Variants in TIMP2 observed in about 807,000 individuals in gnomAD.
TIMP2 encodes metalloproteinase inhibitor 2.
In TIMP2, 5 loss-of-function variants were observed where a neutral mutation model predicts 24.3. The ratio of observed to expected loss-of-function variants is 0.21; its 90% CI spans 0.11 to 0.43. The LOEUF (loss-of-function observed/expected upper bound fraction) is 0.43. Among genes scored for constraint, TIMP2 ranks in the 20% least tolerant of loss-of-function variants. TIMP2 has a pLI of 1.00. For missense variants in TIMP2, 221 were observed against 297.5 expected (o/e 0.74, Z 1.89); for synonymous variants, 130 against 123.2 (o/e 1.06, Z -0.37).
At chr17:78,885,199 G>A (rs1234413160) in intron 1 of TIMP2, among the ~76,000 whole-genome samples, 1 of 152,226 alleles carries the variant, frequency 6.6e-6, no homozygotes. Flanking sequence ...GGACCCACAA[G>A]GCAGGGAGCA....
chr17:78,923,400 G>GGT (rs1188564936), intron 1 of TIMP2, among the ~76,000 whole-genome samples: 8 of 138,946 alleles, frequency 5.8e-5, no homozygotes, highest in East Asian at 4.9e-4. Flanking sequence ...GCGGGGTGGG[G>GGT]GGGGGGGCGG....
At chr17:78,912,625 C>T (rs1178850097) in intron 1 of TIMP2, among the ~76,000 whole-genome samples, 1 of 152,314 alleles carries the variant, frequency 6.6e-6, no homozygotes, top group Admixed American at 6.5e-5. Context: ...CCTGCAGGTT[C>T]CACTTCTTCC....
At chr17:78,857,784 G>C in intron 3 of TIMP2, 138 bp from the exon 4 acceptor site, 1 of 1,191,938 alleles carries the variant, frequency 8.4e-7, no homozygotes, top group Non-Finnish European at 1.2e-6. Context: ...AAAACACAGT[G>C]GGTGGCCAGG....
chr17:78,919,634 A>G (rs2070293232), intron 1 of TIMP2, among the ~76,000 whole-genome samples: 1 of 152,132 alleles, frequency 6.6e-6, no homozygotes, highest in Non-Finnish European at 1.5e-5. Flanking sequence ...GGAGATCGAG[A>G]CCATCCCGGC....
chr17:78,866,818 G>T (rs1327118863), intron 3 of TIMP2, among the ~76,000 whole-genome samples: 20 of 152,126 alleles, frequency 1.3e-4, no homozygotes, highest in Admixed American at 1.3e-3. Context: ...GGAAAGCCCA[G>T]CATAGAGAAA....
intron 1 of TIMP2, among the ~76,000 whole-genome samples, chr17:78,918,052 G>A (rs373358830): frequency 1.3e-5 from 1 of 74,078 alleles, no homozygotes; most frequent in Non-Finnish European, 3.0e-5. Flanking sequence ...AAACACGTAC[G>A]CGTGCACACA....
intron 1 of TIMP2, among the ~76,000 whole-genome samples, chr17:78,911,894 CAA>C (rs60505603): frequency 2.1e-4 from 23 of 112,074 alleles, no homozygotes; most frequent in African/African-American, 3.6e-4. Flanking sequence ...AAAAACACAC[CAA>C]AAAAAAAAAA....
chr17:78,910,212 A>G (rs1266945551), intron 1 of TIMP2, among the ~76,000 whole-genome samples: 17 of 149,202 alleles, frequency 1.1e-4, no homozygotes, highest in Admixed American at 1.1e-3. Context: ...TTTTTTTGAG[A>G]CACGGAGTCT....
chr17:78,904,124 G>A (rs1027582470), intron 1 of TIMP2: 5 of 50,962 alleles, frequency 9.8e-5, no homozygotes, highest in African/African-American at 6.3e-4. Flanking sequence ...CAGAGACGGG[G>A]TTTTACCATG....
At chr17:78,918,820 G>A (rs1568009578) in intron 1 of TIMP2, among the ~76,000 whole-genome samples, 2 of 152,000 alleles carry the variant, frequency 1.3e-5, no homozygotes. Flanking sequence ...GCAACATGGC[G>A]AAACCCCATC....
At chr17:78,903,109 G>C (rs577619625) in intron 1 of TIMP2, 2 of 152,486 alleles carry the variant, frequency 1.3e-5, no homozygotes, top group Admixed American at 1.3e-4. Flanking sequence ...CCTCAGCCCC[G>C]CAGTGGTCTC....
chr17:78,867,797 C>T (rs545718186), intron 3 of TIMP2, among the ~76,000 whole-genome samples: 21 of 151,664 alleles, frequency 1.4e-4, no homozygotes, highest in African/African-American at 5.1e-4. Flanking sequence ...AACGGGGTTT[C>T]ACTGTGTTAG....
chr17:78,911,967 G>A (rs2070212957), intron 1 of TIMP2, among the ~76,000 whole-genome samples: 1 of 150,772 alleles, frequency 6.6e-6, no homozygotes, highest in Non-Finnish European at 1.5e-5. Context: ...GGGAGGCTGA[G>A]GCAGGAGAAT....
chr17:78,862,207 C>T (rs558918797), intron 3 of TIMP2, among the ~76,000 whole-genome samples: 13 of 152,328 alleles, frequency 8.5e-5, no homozygotes, highest in Non-Finnish European at 1.3e-4. Flanking sequence ...GGAGGTGGCC[C>T]GCTCAGGCCA....
chr17:78,914,244 C>T (rs559925764), intron 1 of TIMP2, among the ~76,000 whole-genome samples: 17 of 146,976 alleles, frequency 1.2e-4, no homozygotes, highest in Admixed American at 2.8e-4. Flanking sequence ...CATCTGCCTT[C>T]GAAATTTTGG....
intron 1 of TIMP2, chr17:78,897,687 A>T (rs1383164861): frequency 6.6e-6 from 1 of 152,272 alleles, no homozygotes; most frequent in East Asian, 1.9e-4. Flanking sequence ...ATCCCTGAGG[A>T]CAATGGCAGG....
intron 3 of TIMP2, among the ~76,000 whole-genome samples, chr17:78,861,939 C>T (rs1333892986): frequency 2.0e-5 from 3 of 152,022 alleles, no homozygotes; most frequent in Admixed American, 6.6e-5. Flanking sequence ...AAGAGAGGAC[C>T]GCCTCTGGTC....
chr17:78,880,149 TCCAA>T (rs947694296), intron 1 of TIMP2, among the ~76,000 whole-genome samples: 1 of 151,900 alleles, frequency 6.6e-6, no homozygotes, highest in Non-Finnish European at 1.5e-5. Context: ...CTCCACAGAC[TCCAA>T]CCACGCCAGC....
At chr17:78,859,948 T>C (rs1035521204) in intron 3 of TIMP2, among the ~76,000 whole-genome samples, 3 of 151,596 alleles carry the variant, frequency 2.0e-5, no homozygotes, top group African/African-American at 4.8e-5. Flanking sequence ...GAAGAGGTCA[T>C]GCCACTACAT....
Sources: gnomAD v4.1 joint callset for allele counts (sites outside exome capture counted in the v4.1 genomes callset) on GRCh38, gnomAD v4.1.1 for gene constraint, MANE v1.5 for transcripts, NCBI Gene and HGNC (gene_info 2026-07-23, HGNC 2026-07-21) for gene names.